RPL28: variants seen among roughly 807,000 people sequenced by gnomAD.
RPL28 encodes the protein large ribosomal subunit protein eL28.
RPL28 carries 4 observed loss-of-function variants against 12.5 expected under a neutral mutation model. The ratio of observed to expected loss-of-function variants is 0.32; its 90% confidence interval spans 0.16 to 0.73. The LOEUF (loss-of-function observed/expected upper bound fraction) is 0.73. Ranked by LOEUF, RPL28 falls within the 30% of genes least tolerant of loss-of-function variation. The pLI is 0.66. For synonymous variants in RPL28, 91 were observed against 72.5 expected, an observed-to-expected ratio of 1.26 and a Z score of -1.30; for missense variants, 214 against 197.7, an observed-to-expected ratio of 1.08 and a Z score of -0.49.
Position 55,390,990 on chromosome 19 carries a change from GAAAA to G in RPL28, c.*2659_*2662del, listed in dbSNP as rs1569043164. The G allele has an allele frequency of 2.0e-6, 2 of 981,880 alleles. No individual in the cohort carries two copies. The highest frequency in any genetic ancestry group is 2.4e-6 in the Non-Finnish European group (2 of 826,874). The allele number at this position is 981,880 out of a possible 1,614,324, so 60.8% of individuals were successfully genotyped here. A position where few individuals can be genotyped will look rare whatever the true frequency, so the allele number is the denominator to read the frequency against. On this transcript the variant is annotated 3_prime_UTR_variant, in exon 5 of 5. Coordinates refer to ENST00000344063, the MANE Select transcript of RPL28 (RefSeq NM_000991.5). Reference sequence around the variant, plus strand: ...AGTTAAACCAAAAACATGATATTAAGAAAACAGGCAGGCTCACCATAGTAAAAAT... The same window carrying G: ...AGTTAAACCAAAAACATGATATTAAGCAGGCAGGCTCACCATAGTAAAAAT...
chr19:55,397,849 T>C (rs1030776290), intron 4 of RPL28, among the ~76,000 whole-genome samples: 21 of 151,944 alleles, frequency 1.4e-4, no homozygotes, highest in Non-Finnish European at 5.9e-5. Flanking sequence ...TTGGACAACA[T>C]AGTGATACCG....
At chr19:55,398,252 G>A (rs1346540756) in intron 4 of RPL28, among the ~76,000 whole-genome samples, 2 of 152,214 alleles carry the variant, frequency 1.3e-5, no homozygotes, top group Non-Finnish European at 2.9e-5. Context: ...ATTTGGGCTT[G>A]AGACGCAGGA....
chr19:55,395,530 G>A (rs1234935269), downstream of RPL28, among the ~76,000 whole-genome samples: 1 of 147,578 alleles, frequency 6.8e-6, no homozygotes, highest in Non-Finnish European at 1.5e-5. Flanking sequence ...TGCAAGCTCC[G>A]CCTCCCGGGT....
In RPL28 at chr19:55,388,501, G is replaced by A. The variant is rs2089958454; in HGVS notation, c.*169G>A. On this transcript the variant is annotated 3_prime_UTR_variant, in exon 5 of 5. Transcript: ENST00000344063. Reference sequence around the variant, plus strand: ...CATCTGGAGGTGATGTCAATGGCTGGCCATGCAGGAGGGGTGGGGTAGCTG... The same window carrying A: ...CATCTGGAGGTGATGTCAATGGCTGACCATGCAGGAGGGGTGGGGTAGCTG... 2 of 1,314,892 alleles carry A rather than the reference G, an allele frequency of 1.5e-6. No individual in the cohort carries two copies. The highest frequency in any genetic ancestry group is 2.4e-5 in the South Asian group (1 of 41,828). The allele number at this position is 1,314,892 out of a possible 1,614,324, so 81.5% of individuals were successfully genotyped here.
chr19:55,386,941 G>A, intron 3 of RPL28: 1 of 1,469,080 alleles, frequency 6.8e-7, no homozygotes. Context: ...CTCGGTGGTT[G>A]TTGAGAGTTA....
At chr19:55,397,740 G>A (rs1216173439) in intron 4 of RPL28, among the ~76,000 whole-genome samples, 3 of 145,344 alleles carry the variant, frequency 2.1e-5, no homozygotes, top group African/African-American at 2.5e-5. Flanking sequence ...ATGGTGGTGC[G>A]TGCTTATAGT....
intron 4 of RPL28, chr19:55,399,976 G>A (rs1240085490): frequency 6.6e-6 from 1 of 152,190 alleles, no homozygotes; most frequent in African/African-American, 2.4e-5. Flanking sequence ...ACTGCTAGAG[G>A]TAGAGAGGAG....
chr19:55,387,658 C>T (rs1231751245), intron 3 of RPL28: 5 of 1,384,334 alleles, frequency 3.6e-6, no homozygotes, highest in Non-Finnish European at 4.7e-6. Flanking sequence ...CTAACTGAAG[C>T]GGCAGCTTTC....
chr19:55,386,733 C>T, intron 3 of RPL28, 40 bp downstream of exon 3: 2 of 1,612,300 alleles, frequency 1.2e-6, no homozygotes, highest in Non-Finnish European at 1.7e-6. Context: ...CGGCCCCTTT[C>T]CCGGGTCTGG....
In RPL28 at chr19:55,389,792, G is replaced by A. The variant is rs2089972542; in HGVS notation, c.*1460G>A. The A allele has an allele frequency of 1.0e-6, 1 of 985,342 alleles. No homozygotes were observed. 61.0% of individuals were successfully genotyped at this position (985,342 alleles called of 1,614,324 possible). On this transcript the variant is annotated 3_prime_UTR_variant, in exon 5 of 5. Transcript: ENST00000344063. ...AGAGGTGTTGCCTTAAAACTGAGTT[G>A]GGTGACTTGGTACCTGCTCAGGACC... is the stretch of plus-strand genomic sequence containing the variant.
intron 4 of RPL28, chr19:55,400,256 C>G (rs945077073): frequency 6.6e-6 from 1 of 152,194 alleles, no homozygotes. Context: ...AACTCCTGGC[C>G]TCAAGTGATC....
Position 55,386,275 on chromosome 19 carries a change from C to G in RPL28, c.-8-75C>G, listed in dbSNP as rs564795971. 7.2e-6 allele frequency: 10 copies of G among 1,393,850 alleles called. No individual in the cohort carries two copies. The East Asian group carries it at 1.4e-4, about 20-fold the overall frequency. The allele number at this position is 1,393,850 out of a possible 1,614,324, so 86.3% of individuals were successfully genotyped here. On this transcript the variant is annotated intron_variant, in intron 1 of 4. Transcript: ENST00000344063. ...CCCAGTCGCTCTCTTCCTCTGCTGTCCGAGCGTGGCCCGTGGCCTAACGCT... is the reference window on the plus strand; with the variant it reads ...CCCAGTCGCTCTCTTCCTCTGCTGTGCGAGCGTGGCCCGTGGCCTAACGCT...
At chr19:55,397,641 A>G (rs1486676491) in intron 4 of RPL28, among the ~76,000 whole-genome samples, 1 of 151,818 alleles carries the variant, frequency 6.6e-6, no homozygotes, top group Non-Finnish European at 1.5e-5. Context: ...CGACCTCCCA[A>G]AGTGCTGGGA....
At position 55,390,557 on chromosome 19, in the gene RPL28, A is replaced by G; in HGVS notation, c.*2225A>G. 1 of 985,538 alleles carries G rather than the reference A, an allele frequency of 1.0e-6. No individual in the cohort carries two copies. Among genetic ancestry groups the G allele is most frequent in the Non-Finnish European group, 1.2e-6 (1 of 830,064 alleles). 61.0% of individuals were successfully genotyped at this position (985,538 alleles called of 1,614,324 possible). A position where few individuals can be genotyped will look rare whatever the true frequency, so the allele number is the denominator to read the frequency against. On this transcript the variant is annotated 3_prime_UTR_variant, in exon 5 of 5. Transcript: ENST00000344063. ...TTAACCACCTCCTTGCCTGCCCTGG[A>G]GGCTTGTGCCTCTAGGCCCCACCCC... is the stretch of plus-strand genomic sequence containing the variant.
chr19:55,395,644 T>C (rs148197637), downstream of RPL28, among the ~76,000 whole-genome samples: 1,019 of 150,660 alleles, frequency 6.8e-3, 37 homozygotes, highest in East Asian at 0.11. Context: ...GGGGTTTCAC[T>C]GTGTTAGCCA....
chr19:55,395,464 CAG>C (rs1458075475), downstream of RPL28, among the ~76,000 whole-genome samples: 15 of 127,614 alleles, frequency 1.2e-4, 1 homozygote, highest in Non-Finnish European at 1.3e-4. Context: ...TTTTTTGAGA[CAG>C]AGTCTCTTGC....
rs200636898 is a variant in RPL28 at position 55,388,015 on chromosome 19, C to A, written c.291C>A (p.Ile97=). 63 of 1,613,676 alleles carry A rather than the reference C, an allele frequency of 3.9e-5. No individual in the cohort carries two copies. Among genetic ancestry groups the A allele is most frequent in the Non-Finnish European group, 5.2e-5 (61 of 1,179,874 alleles). ...RATLSSIRHM[I]RKNKYRPDLR... ...CGCTCAGCAGCATCAGACACATGAT[C>A]CGCAAGAACAAGTACCGCCCCGACC... Residue 97 remains isoleucine (I), a synonymous_variant, in exon 4 of 5, where the codon ATC becomes ATA. Transcript: ENST00000344063.
At chr19:55,399,552 CCT>C (rs1300763928) in intron 4 of RPL28, among the ~76,000 whole-genome samples, 33 of 152,162 alleles carry the variant, frequency 2.2e-4, no homozygotes, top group African/African-American at 6.8e-4. Context: ...ACCTTCAGCC[CCT>C]CTCTTCCCAG....
In RPL28 at chr19:55,402,948, G is replaced by A. The variant is rs1355301469; in HGVS notation, c.330G>A (p.Ala110=). Residue 110 remains alanine, a synonymous_variant, in exon 5 of 5, where the codon GCG becomes GCA. Transcript: ENST00000560055. Reference sequence around the variant, plus strand: ...TTAACTTTTTTTTTTTTCAGCTTGCGGGAAGGGTTGGGAGGCAGCAGGCTG... The same window carrying A: ...TTAACTTTTTTTTTTTTCAGCTTGCAGGAAGGGTTGGGAGGCAGCAGGCTG... 556 of 1,521,482 alleles carry A rather than the reference G, an allele frequency of 3.7e-4. 1 individual carries two copies. The highest frequency in any genetic ancestry group is 1.5e-4 in the African/African-American group (11 of 71,800). 94.2% of individuals were successfully genotyped at this position (1,521,482 alleles called of 1,614,324 possible).
Sources: gnomAD v4.1 joint callset for allele counts (sites outside exome capture counted in the v4.1 genomes callset) on GRCh38, gnomAD v4.1.1 for gene constraint, MANE v1.5 for transcripts, NCBI Gene and HGNC (gene_info 2026-07-23, HGNC 2026-07-21) for gene names.